GLI3: variants seen among roughly 807,000 people sequenced by gnomAD.
The protein encoded by GLI3 is GLI family zinc finger 3.
A neutral mutation model predicts 100.8 loss-of-function variants in GLI3; 20 were observed. The observed-to-expected ratio is 0.20, with a 90% CI of 0.14 to 0.29. The LOEUF (loss-of-function observed/expected upper bound fraction) is 0.29, where lower values mean the gene tolerates loss of function less well. Among genes scored for constraint, GLI3 ranks in the 10% least tolerant of loss-of-function variants. The pLI, the probability that GLI3 is intolerant of heterozygous loss-of-function variation, is 1.00. For missense variants in GLI3, 2,040 were observed against 2,128.5 expected, an observed-to-expected ratio of 0.96 and a Z score of 0.82; for synonymous variants, 938 against 860.5, an observed-to-expected ratio of 1.09 and a Z score of -1.58.
At chr7:42,078,689 G>A (rs185840690) in intron 3 of GLI3, among the ~76,000 whole-genome samples, 1 of 151,680 alleles carries the variant, frequency 6.6e-6, no homozygotes, top group Admixed American at 6.6e-5. Context: ...AAATTCAACA[G>A]GTGAGGGATA....
chr7:42,202,319 GTCTC>G (rs35402770), intron 2 of GLI3, among the ~76,000 whole-genome samples: 15 of 124,808 alleles, frequency 1.2e-4, no homozygotes, highest in Admixed American at 1.7e-4. Flanking sequence ...CATAGAATCT[GTCTC>G]TCTCTCTCTC....
At chr7:42,243,775 T>C (rs1283071776) in intron 1 of GLI3, among the ~76,000 whole-genome samples, 1 of 152,116 alleles carries the variant, frequency 6.6e-6, no homozygotes, top group Non-Finnish European at 1.5e-5. Flanking sequence ...GATGTGGAGA[T>C]TTATGTCTGT....
At chr7:42,064,799 T>C (rs113625286) in intron 4 of GLI3, among the ~76,000 whole-genome samples, 1 of 152,194 alleles carries the variant, frequency 6.6e-6, no homozygotes, top group Non-Finnish European at 1.5e-5. Flanking sequence ...GAGGTTTAAC[T>C]CCCATCTTCC....
At chr7:42,231,081 G>C (rs1211773422) in intron 1 of GLI3, among the ~76,000 whole-genome samples, 1 of 152,176 alleles carries the variant, frequency 6.6e-6, no homozygotes. Context: ...TATAGAACTT[G>C]TGTAGCTTTG....
chr7:42,073,759 T>C (rs764543308), intron 4 of GLI3, among the ~76,000 whole-genome samples: 1 of 152,204 alleles, frequency 6.6e-6, no homozygotes, highest in Non-Finnish European at 1.5e-5. Flanking sequence ...AGAAGAACAA[T>C]TGTGTGTACA....
In GLI3 at chr7:41,967,845, G is replaced by T; in HGVS notation, c.2182C>A (p.Leu728Ile). The T allele has an allele frequency of 6.2e-7, 1 of 1,614,132 alleles. No homozygotes were observed. The highest frequency in any genetic ancestry group is 8.5e-7 in the Non-Finnish European group (1 of 1,180,004). Residue 728 changes from leucine (L) to isoleucine (I), a missense_variant, in exon 14 of 15, where the codon CTC becomes ATC. By Grantham distance (5) the Leu-to-Ile change is conservative. This residue lies in a region of GLI3 where 327 missense variants were observed against 338.7 expected (regional missense o/e 0.97). Transcript: ENST00000395925. ...CCTCCATCGGTCAGAGGAAGCTCGAGCCCACTGTTGGAATAGTTGCTGATG... is the reference window on the plus strand; with the variant it reads ...CCTCCATCGGTCAGAGGAAGCTCGATCCCACTGTTGGAATAGTTGCTGATG... The part of the protein sequence containing the change: ...SPISNYSNSG[L>I]ELPLTDGGSI...
At chr7:42,059,293 CT>C (rs1333015211) in intron 4 of GLI3, among the ~76,000 whole-genome samples, 1 of 151,756 alleles carries the variant, frequency 6.6e-6, no homozygotes, top group Middle Eastern at 3.2e-3. Flanking sequence ...CAAAGGTATC[CT>C]TGTTTCTGCA....
intron 10 of GLI3, among the ~76,000 whole-genome samples, chr7:42,002,031 G>C (rs1396720995): frequency 1.3e-5 from 2 of 151,316 alleles, no homozygotes; most frequent in African/African-American, 4.9e-5. Flanking sequence ...ATTGACCATG[G>C]TAAAAATAAG....
At chr7:42,147,309 T>G (rs1026762487) in intron 3 of GLI3, among the ~76,000 whole-genome samples, 8 of 152,182 alleles carry the variant, frequency 5.3e-5, no homozygotes, top group African/African-American at 1.9e-4. Flanking sequence ...GCTAATGACC[T>G]TTTGCCTTAA....
At chr7:42,179,630 G>C (rs1003767125) in intron 2 of GLI3, among the ~76,000 whole-genome samples, 15 of 152,176 alleles carry the variant, frequency 9.9e-5, no homozygotes, top group African/African-American at 3.6e-4. Context: ...GCAGATTCTG[G>C]TGCTTTATGA....
At position 42,069,446 on chromosome 7, in the gene GLI3, T is replaced by C. The variant is rs556294535; in HGVS notation, c.473+7306A>G. 3.3e-4 allele frequency among the ~76,000 whole-genome samples: 50 copies of C among 152,356 alleles called. No homozygotes were observed. The South Asian group carries it at 0.01, about 32-fold the overall frequency. On this transcript the variant is annotated intron_variant, in intron 4 of 14. Transcript: ENST00000395925. ...TTCCTAACTATGAGGAAACTATGTA[T>C]GTAGGTGGCCTAAGATAGTTCTTGA...
chr7:42,078,668 A>T (rs1432965692), intron 3 of GLI3, among the ~76,000 whole-genome samples: 3 of 152,068 alleles, frequency 2.0e-5, no homozygotes, highest in African/African-American at 4.8e-5. Context: ...CGTGATATAC[A>T]ACAATGCTGA....
chr7:42,189,479 G>C (rs28378067), intron 2 of GLI3, among the ~76,000 whole-genome samples: 29,340 of 152,162 alleles, frequency 0.19, 2,848 homozygotes, highest in Middle Eastern at 0.28. Context: ...TAAAAGCAAG[G>C]AGTCTTTTGT....
chr7:42,228,107 G>A (rs1788619457), intron 1 of GLI3, among the ~76,000 whole-genome samples: 1 of 151,854 alleles, frequency 6.6e-6, no homozygotes, highest in African/African-American at 2.4e-5. Context: ...TTCATTAGCG[G>A]GCGCGCCGGG....
chr7:42,086,785 C>A (rs1785110491), intron 3 of GLI3, among the ~76,000 whole-genome samples: 1 of 152,182 alleles, frequency 6.6e-6, no homozygotes, highest in Admixed American at 6.5e-5. Context: ...GTAGGGACGA[C>A]CCGAGGAATT....
At chr7:41,984,239 C>T (rs1475100663) in intron 10 of GLI3, among the ~76,000 whole-genome samples, 1 of 152,196 alleles carries the variant, frequency 6.6e-6, no homozygotes, top group Non-Finnish European at 1.5e-5. Flanking sequence ...CCTTTCTTCT[C>T]ACTTTGTTAT....
At chr7:42,045,631 T>C (rs2840182) in intron 5 of GLI3, 101 bp from the exon 6 acceptor site, 1 of 1,006,572 alleles carries the variant, frequency 9.9e-7, no homozygotes. Context: ...ACATCAGCAA[T>C]TCCTTTTATG....
chr7:42,226,180 T>A (rs965434492), intron 1 of GLI3, among the ~76,000 whole-genome samples: 3 of 152,192 alleles, frequency 2.0e-5, no homozygotes, highest in African/African-American at 7.2e-5. Flanking sequence ...GACACACACA[T>A]AACAGTTTTA....
chr7:42,046,645 C>T (rs1248048607), intron 5 of GLI3, among the ~76,000 whole-genome samples: 12 of 152,162 alleles, frequency 7.9e-5, no homozygotes, highest in Admixed American at 2.0e-4. Flanking sequence ...TAGTTTAACT[C>T]GTGGTATGAC....
Sources: gnomAD v4.1 joint callset for allele counts (sites outside exome capture counted in the v4.1 genomes callset) on GRCh38, gnomAD v4.1.1 for gene constraint, gnomAD v4.1.1 regional missense constraint, MANE v1.5 for transcripts, NCBI Gene and HGNC (gene_info 2026-07-23, HGNC 2026-07-21) for gene names.